Variants in UBE2L5 observed in about 807,000 individuals in gnomAD.
The protein encoded by UBE2L5 is ubiquitin-conjugating enzyme E2 L5.
A neutral mutation model predicts 10.0 loss-of-function variants in UBE2L5; 3 were observed. The observed-to-expected ratio is 0.30, with a 90% CI of 0.14 to 0.78. The LOEUF (loss-of-function observed/expected upper bound fraction) is 0.78, where lower values mean the gene tolerates loss of function less well. Among genes scored for constraint, UBE2L5 ranks in the 30% least tolerant of loss-of-function variants. The pLI, the probability that UBE2L5 is intolerant of heterozygous loss-of-function variation, is 0.65. For missense variants in UBE2L5, 131 were observed against 193.3 expected (o/e 0.68, Z 1.91); for synonymous variants, 60 against 71.9 (o/e 0.83, Z 0.83).
At chr13:30,425,692 T>C (rs1282929218) in intron 2 of UBE2L5, among the ~76,000 whole-genome samples, 1 of 152,250 alleles carries the variant, frequency 6.6e-6, no homozygotes, top group Non-Finnish European at 1.5e-5. Context: ...TGGACAAATC[T>C]GTCTTCCGAA....
intron 1 of UBE2L5, among the ~76,000 whole-genome samples, chr13:30,424,486 C>G (rs1292389291): frequency 6.6e-6 from 1 of 152,126 alleles, no homozygotes; most frequent in Non-Finnish European, 1.5e-5. Context: ...ATTCTGCGTT[C>G]CCCTAAGGTG....
At chr13:30,424,149 A>C (rs1885506281) in intron 1 of UBE2L5, among the ~76,000 whole-genome samples, 1 of 152,184 alleles carries the variant, frequency 6.6e-6, no homozygotes, top group Non-Finnish European at 1.5e-5. Context: ...AGCCAACAGC[A>C]GTGTTAGGTG....
intron 1 of UBE2L5, 130 bp from the exon 2 acceptor site, chr13:30,424,678 T>A (rs1414670027): frequency 1.3e-5 from 2 of 152,224 alleles, no homozygotes; most frequent in African/African-American, 4.8e-5. Flanking sequence ...ACTATATATA[T>A]GTCTGCTCAG....
Position 30,428,577 on chromosome 13 carries a change from A to G in UBE2L5, c.*122A>G. The G allele has an allele frequency of 1.8e-6, 2 of 1,114,192 alleles. No homozygotes were observed. Among genetic ancestry groups the G allele is most frequent in the Non-Finnish European group, 2.6e-6 (2 of 780,432 alleles). The allele number at this position is 1,114,192 out of a possible 1,614,324, so 69.0% of individuals were successfully genotyped here. The stretch of plus-strand genomic sequence containing the variant: ...CCACCGTCTGGCGTTCGCTTGCAGC[A>G]GTTACTAACTTTCTACAGTTTTCTT... On this transcript the variant is annotated 3_prime_UTR_variant, in exon 4 of 4. Coordinates refer to ENST00000635918, the MANE Select transcript of UBE2L5 (RefSeq NM_001355247.2).
At position 30,429,747 on chromosome 13, in the gene UBE2L5, C is replaced by G. The variant is rs959088758; in HGVS notation, c.*1292C>G. Among the ~76,000 whole-genome samples the G allele has an allele frequency of 6.6e-6, 1 of 152,206 alleles. No homozygotes were observed. The highest frequency in any genetic ancestry group is 6.5e-5 in the Admixed American group (1 of 15,286). On this transcript the variant is annotated 3_prime_UTR_variant, in exon 4 of 4. Coordinates refer to ENST00000635918, the MANE Select transcript of UBE2L5 (RefSeq NM_001355247.2). ...GGAACAAGAACTTTAATTAAAGGAT[C>G]AAAAAGCCCAAGCTCTTGCTTTTGA... is the stretch of plus-strand genomic sequence containing the variant.
At chr13:30,423,054 C>CA (rs1885488092) in intron 1 of UBE2L5, among the ~76,000 whole-genome samples, 1 of 152,200 alleles carries the variant, frequency 6.6e-6, no homozygotes, top group South Asian at 2.1e-4. Flanking sequence ...TGACAAAACT[C>CA]AGTTTGTTGT....
intron 2 of UBE2L5, among the ~76,000 whole-genome samples, chr13:30,425,642 G>A (rs1334947288): frequency 2.1e-4 from 32 of 152,226 alleles, no homozygotes; most frequent in Admixed American, 1.6e-3. Flanking sequence ...CCATAGTACC[G>A]TTTAGGTGTT....
At position 30,427,870 on chromosome 13, in the gene UBE2L5, C is replaced by G. The variant is rs1885562279; in HGVS notation, c.-121C>G. The G allele has an allele frequency of 1.4e-6, 1 of 740,642 alleles. No individual in the cohort carries two copies. The highest frequency in any genetic ancestry group is 1.7e-5 in the African/African-American group (1 of 57,396). The allele number at this position is 740,642 out of a possible 1,614,324, so 45.9% of individuals were successfully genotyped here. On this transcript the variant is annotated 5_prime_UTR_variant, in exon 4 of 4. Coordinates refer to ENST00000635918, the MANE Select transcript of UBE2L5 (RefSeq NM_001355247.2). ...CTCTAACCAACCAGTGGGCAAGTTG[C>G]TTTGCTCAGCGTAAGTTCAAACTGC... is the stretch of plus-strand genomic sequence containing the variant.
intron 2 of UBE2L5, among the ~76,000 whole-genome samples, chr13:30,426,225 C>T (rs1321651866): frequency 6.6e-6 from 1 of 152,086 alleles, no homozygotes; most frequent in Non-Finnish European, 1.5e-5. Flanking sequence ...GCAGGAGAAT[C>T]GCTTGAAACT....
intron 2 of UBE2L5, among the ~76,000 whole-genome samples, chr13:30,425,299 G>C (rs1339991855): frequency 6.6e-6 from 1 of 152,230 alleles, no homozygotes; most frequent in African/African-American, 2.4e-5. Flanking sequence ...TGATCCTGCA[G>C]CTCCATTGGA....
chr13:30,424,160 T>C (rs1885506642), intron 1 of UBE2L5, among the ~76,000 whole-genome samples: 1 of 152,104 alleles, frequency 6.6e-6, no homozygotes. Context: ...GTGTTAGGTG[T>C]GAGGGTGACA....
Position 30,427,859 on chromosome 13 carries a change from T to C in UBE2L5, c.-132T>C. On this transcript the variant is annotated 5_prime_UTR_variant, in exon 4 of 4. Coordinates refer to ENST00000635918, the MANE Select transcript of UBE2L5 (RefSeq NM_001355247.2). The stretch of plus-strand genomic sequence containing the variant: ...GTGGATGATCACTCTAACCAACCAG[T>C]GGGCAAGTTGCTTTGCTCAGCGTAA... The C allele has an allele frequency of 1.4e-6, 1 of 716,032 alleles. No homozygotes were observed. Among genetic ancestry groups the C allele is most frequent in the South Asian group, 1.5e-5 (1 of 64,742 alleles). The allele number at this position is 716,032 out of a possible 1,614,324, so 44.4% of individuals were successfully genotyped here. A position where few individuals can be genotyped will look rare whatever the true frequency, so the allele number is the denominator to read the frequency against.
At position 30,429,149 on chromosome 13, in the gene UBE2L5, G is replaced by A. The variant is rs1226927860; in HGVS notation, c.*694G>A. Among the ~76,000 whole-genome samples, 1 of 151,988 alleles carries A rather than the reference G, an allele frequency of 6.6e-6. No homozygotes were observed. The highest frequency in any genetic ancestry group is 1.5e-5 in the Non-Finnish European group (1 of 68,004). On this transcript the variant is annotated 3_prime_UTR_variant, in exon 4 of 4. Transcript: ENST00000635918. ...AAACAAATAAAAGTAGCCGGGCGTG[G>A]TGGCAGACTCCTGTAATCCCAGCTA...
Position 30,427,895 on chromosome 13 carries a change from C to G in UBE2L5, c.-96C>G. On this transcript the variant is annotated 5_prime_UTR_variant, in exon 4 of 4. Transcript: ENST00000635918. ...CTTTGCTCAGCGTAAGTTCAAACTG[C>G]CACATCAGAACGTTATTTGAGTGTA... The G allele has an allele frequency of 1.2e-6, 1 of 836,478 alleles. No individual in the cohort carries two copies. Among genetic ancestry groups the G allele is most frequent in the Non-Finnish European group, 2.0e-6 (1 of 494,382 alleles). 51.8% of individuals were successfully genotyped at this position (836,478 alleles called of 1,614,324 possible).
intron 2 of UBE2L5, among the ~76,000 whole-genome samples, chr13:30,425,272 G>A (rs1885521197): frequency 6.6e-6 from 1 of 152,208 alleles, no homozygotes; most frequent in African/African-American, 2.4e-5. Flanking sequence ...TTCCCTGGCT[G>A]GTCCTGGCCA....
chr13:30,423,696 T>A (rs910246913), intron 1 of UBE2L5, among the ~76,000 whole-genome samples: 1 of 152,158 alleles, frequency 6.6e-6, no homozygotes, highest in African/African-American at 2.4e-5. Context: ...ATCCTTACGG[T>A]GGGAAGGTAG....
rs1386219785 is a variant in UBE2L5 at position 30,427,688 on chromosome 13, C to T, written c.-303C>T. On this transcript the variant is annotated 5_prime_UTR_variant, in exon 4 of 4. Transcript: ENST00000635918. Reference sequence around the variant, plus strand: ...GCATGGTGGCACGTGCCTGTAATCACAGCCACTTGGGAGGCCGAGGCGAGA... The same window carrying T: ...GCATGGTGGCACGTGCCTGTAATCATAGCCACTTGGGAGGCCGAGGCGAGA... 1.0e-5 allele frequency: 4 copies of T among 387,980 alleles called. No individual in the cohort carries two copies. Among genetic ancestry groups the T allele is most frequent in the Non-Finnish European group, 1.8e-5 (4 of 218,752 alleles). 24.0% of individuals were successfully genotyped at this position (387,980 alleles called of 1,614,324 possible).
chr13:30,428,242 G>A lies in UBE2L5; in HGVS notation c.252G>A (p.Gln84=), dbSNP rs1885568844. ...ACCCGAACATCGACGAAAAGGGGCA[G>A]GTCTGTCTGCCAGTAATTAGTGCTG... ...IYHPNIDEKG[Q]VCLPVISAEN... The change falls in exon 4 of 4, where the codon CAG becomes CAA. Residue 84 remains glutamine (Q), a synonymous_variant. Coordinates refer to ENST00000635918, the MANE Select transcript of UBE2L5 (RefSeq NM_001355247.2). 6.2e-7 allele frequency: 1 copy of A among 1,609,312 alleles called. No homozygotes were observed. Among genetic ancestry groups the A allele is most frequent in the South Asian group, 1.1e-5 (1 of 90,760 alleles).
intron 1 of UBE2L5, among the ~76,000 whole-genome samples, chr13:30,423,403 G>A (rs1041896756): frequency 2.0e-5 from 3 of 152,180 alleles, no homozygotes; most frequent in African/African-American, 7.2e-5. Flanking sequence ...TTTGAGTCCA[G>A]GAGTTCAAGA....
Sources: gnomAD v4.1 joint callset for allele counts (sites outside exome capture counted in the v4.1 genomes callset) on GRCh38, gnomAD v4.1.1 for gene constraint, MANE v1.5 for transcripts, NCBI Gene and HGNC (gene_info 2026-07-23, HGNC 2026-07-21) for gene names.